The following PARD3B variants were observed in gnomAD, a reference collection of about 807,000 sequenced individuals.
The protein encoded by PARD3B is par-3 family cell polarity regulator beta.
PARD3B carries 103 observed loss-of-function variants against 130.2 expected under a neutral mutation model. That is an observed-to-expected ratio of 0.79 (90% CI 0.67 to 0.93). PARD3B has a LOEUF of 0.93. Ranked by LOEUF, PARD3B falls within the 40% of genes least tolerant of loss-of-function variation. The pLI, the probability that PARD3B is intolerant of heterozygous loss-of-function variation, is 0.00. For synonymous variants in PARD3B, 583 were observed against 553.2 expected (o/e 1.05, Z -0.76); for missense variants, 1,609 against 1,499.2 (o/e 1.07, Z -1.21).
chr2:204,550,890 C>T (rs2030406726), intron 1 of PARD3B, among the ~76,000 whole-genome samples: 1 of 152,148 alleles, frequency 6.6e-6, no homozygotes, highest in African/African-American at 2.4e-5. Context: ...ACTTTTCAGG[C>T]TTTGATGCCT....
At chr2:204,874,946 C>T (rs1019725394) in intron 2 of PARD3B, among the ~76,000 whole-genome samples, 3 of 152,178 alleles carry the variant, frequency 2.0e-5, no homozygotes, top group Non-Finnish European at 4.4e-5. Context: ...TATTCCACTG[C>T]ATGAATATAT....
In PARD3B at chr2:205,124,326, G is replaced by T. The variant is rs1177555022; in HGVS notation, c.1166-1G>T. On this transcript the variant is annotated splice_acceptor_variant, in intron 8 of 22. Transcript: ENST00000406610. LOFTEE classifies it high-confidence loss of function. Reference sequence around the variant, plus strand: ...TACATTTTCCTGTTCTTATACACTAGGCCCTGAAGGACTTGGTTTCACTGT... The same window carrying T: ...TACATTTTCCTGTTCTTATACACTATGCCCTGAAGGACTTGGTTTCACTGT... The T allele has an allele frequency of 1.2e-5, 19 of 1,542,518 alleles. No homozygotes were observed. Among genetic ancestry groups the T allele is most frequent in the Admixed American group, 1.9e-5 (1 of 53,546 alleles).
intron 2 of PARD3B, among the ~76,000 whole-genome samples, chr2:204,857,092 A>G (rs1276171079): frequency 6.6e-6 from 1 of 152,084 alleles, no homozygotes; most frequent in Non-Finnish European, 1.5e-5. Flanking sequence ...CTCACTTATT[A>G]TCAGTTATTG....
intron 1 of PARD3B, among the ~76,000 whole-genome samples, chr2:204,600,541 A>T (rs1283645080): frequency 1.3e-5 from 2 of 151,888 alleles, no homozygotes; most frequent in Non-Finnish European, 1.5e-5. Flanking sequence ...TTATGCCAGT[A>T]CCACGATGTT....
In PARD3B at chr2:205,121,938, A is replaced by G. The variant is rs1316768678; in HGVS notation, c.1154A>G (p.Asp385Gly). The change falls in exon 8 of 23, where the codon GAC becomes GGC. Residue 385 changes from aspartate to glycine, a missense_variant. Physicochemically the swap from Asp to Gly is moderately conservative, Grantham distance 94 (BLOSUM62 -1). Transcript: ENST00000406610. This position sits in a 1 kb window ranked among gnomAD's most constrained non-coding sequence, Gnocchi z 5.0. ...SNKNAKKIKIDLKKGPEGLGF... is the reference protein window; with the variant it reads ...SNKNAKKIKIGLKKGPEGLGF... ...AAAAATGCAAAGAAAATTAAGATTG[A>G]CCTAAAGAAAGGTAATTATTAAATT... 1 of 1,603,056 alleles carries G rather than the reference A, an allele frequency of 6.2e-7. No homozygotes were observed. Among genetic ancestry groups the G allele is most frequent in the Admixed American group, 1.7e-5 (1 of 59,426 alleles).
chr2:205,343,218 C>A (rs1468885534), intron 18 of PARD3B, among the ~76,000 whole-genome samples: 1 of 152,182 alleles, frequency 6.6e-6, no homozygotes, highest in Non-Finnish European at 1.5e-5. Flanking sequence ...AAAGTGTTCC[C>A]ATCAAATATC....
In PARD3B at chr2:205,113,572, T is replaced by G; in HGVS notation, c.675T>G (p.Ser225Arg). Residue 225 changes from serine to arginine, a missense_variant, in exon 6 of 23, where the codon AGT becomes AGG. Ser to Arg is a moderately radical substitution (Grantham distance 110). Transcript: ENST00000406610. ...IHVVPFFSSL[S>R]GRILGLFIRG... Reference sequence around the variant, plus strand: ...TAGTGCCCTTCTTTTCATCTCTGAGTGGAAGGTAAGATGTTTTTCTCATTC... The same window carrying G: ...TAGTGCCCTTCTTTTCATCTCTGAGGGGAAGGTAAGATGTTTTTCTCATTC... The G allele has an allele frequency of 1.2e-6, 2 of 1,610,060 alleles. No individual in the cohort carries two copies. Among genetic ancestry groups the G allele is most frequent in the South Asian group, 2.2e-5 (2 of 90,728 alleles).
In PARD3B at chr2:205,121,501, G is replaced by A; in HGVS notation, c.807-90G>A. On this transcript the variant is annotated intron_variant, in intron 7 of 22. Coordinates refer to ENST00000406610, the MANE Select transcript of PARD3B (RefSeq NM_001302769.2). The surrounding 1 kb of genome is among the most constrained non-coding windows in gnomAD (Gnocchi z 5.0). ...CGTGTCTCCTATGATTAGCCACTGTGCTGCTCTTGGTTGCCATCCTCCTGG... is the reference window on the plus strand; with the variant it reads ...CGTGTCTCCTATGATTAGCCACTGTACTGCTCTTGGTTGCCATCCTCCTGG... The A allele has an allele frequency of 9.1e-7, 1 of 1,097,844 alleles. No homozygotes were observed. Among genetic ancestry groups the A allele is most frequent in the Non-Finnish European group, 1.3e-6 (1 of 741,526 alleles). 68.0% of individuals were successfully genotyped at this position (1,097,844 alleles called of 1,614,324 possible). A position where few individuals can be genotyped will look rare whatever the true frequency, so the allele number is the denominator to read the frequency against.
chr2:204,857,507 A>G (rs1430279724), intron 2 of PARD3B, among the ~76,000 whole-genome samples: 1 of 152,176 alleles, frequency 6.6e-6, no homozygotes, highest in Non-Finnish European at 1.5e-5. Context: ...GTTTTATGTG[A>G]CATAGGACAC....
intron 1 of PARD3B, among the ~76,000 whole-genome samples, chr2:204,554,819 A>C (rs895506012): frequency 6.6e-6 from 1 of 152,170 alleles, no homozygotes; most frequent in African/African-American, 2.4e-5. Flanking sequence ...GAAAAAGTTA[A>C]TGTAGCAGGC....
intron 19 of PARD3B, among the ~76,000 whole-genome samples, chr2:205,403,458 C>A (rs2046319468): frequency 1.3e-5 from 2 of 151,966 alleles, no homozygotes; most frequent in Non-Finnish European, 2.9e-5. Flanking sequence ...CACACTGCTA[C>A]AGGTCTGTGA....
Position 205,119,128 on chromosome 2 carries a change from T to C in PARD3B, c.806+82T>C, listed in dbSNP as rs571213987. On this transcript the variant is annotated intron_variant, in intron 7 of 22. Coordinates refer to ENST00000406610, the MANE Select transcript of PARD3B (RefSeq NM_001302769.2). ...ATTACTGAACTCATTATGATCAAAA[T>C]AGTAGGTAGAATTTCTAGTCAGTTC... 6 of 1,449,042 alleles carry C rather than the reference T, an allele frequency of 4.1e-6. No individual in the cohort carries two copies. In the African/African-American group the frequency reaches 7.3e-5, roughly 18 times the overall value. 89.8% of individuals were successfully genotyped at this position (1,449,042 alleles called of 1,614,324 possible).
chr2:205,456,024 AAATGG>A (rs2048262408), intron 20 of PARD3B, among the ~76,000 whole-genome samples: 1 of 152,080 alleles, frequency 6.6e-6, no homozygotes, highest in African/African-American at 2.4e-5. Flanking sequence ...AATGTTACCT[AAATGG>A]AATCACATAA....
chr2:204,827,015 G>T (rs962792021), intron 2 of PARD3B, among the ~76,000 whole-genome samples: 3 of 152,062 alleles, frequency 2.0e-5, no homozygotes, highest in African/African-American at 4.8e-5. Flanking sequence ...GCAAGACTCT[G>T]TCTCTTCCAA....
chr2:205,596,952 T>C (rs1393488617), intron 22 of PARD3B, among the ~76,000 whole-genome samples: 1 of 152,136 alleles, frequency 6.6e-6, no homozygotes, highest in African/African-American at 2.4e-5. Flanking sequence ...AGAAGCAAAC[T>C]CGGCACTCCT....
chr2:205,549,530 C>T lies in PARD3B; in HGVS notation c.3181-3794C>T, dbSNP rs561428793. 1.5e-4 allele frequency among the ~76,000 whole-genome samples: 23 copies of T among 152,170 alleles called. 2 individuals carry two copies. In the South Asian group the frequency reaches 4.6e-3, roughly 30 times the overall value. On this transcript the variant is annotated intron_variant, in intron 21 of 22. Coordinates refer to ENST00000406610, the MANE Select transcript of PARD3B (RefSeq NM_001302769.2). ...ATGCATATGACCAAGTAAAAGAAGC[C>T]AATCTGAAAAGACTGCGTACTGTGT...
chr2:205,020,805 C>T (rs561555509), intron 3 of PARD3B, among the ~76,000 whole-genome samples: 68 of 152,190 alleles, frequency 4.5e-4, no homozygotes, highest in African/African-American at 1.2e-3. Context: ...GCCTTTTGGA[C>T]CACTATACTG....
At chr2:204,687,890 G>A (rs1001315928) in intron 2 of PARD3B, among the ~76,000 whole-genome samples, 1 of 152,172 alleles carries the variant, frequency 6.6e-6, no homozygotes. Flanking sequence ...TCTTACCCCA[G>A]CTTCATCCAA....
chr2:205,195,644 A>T (rs2036641438), intron 15 of PARD3B, among the ~76,000 whole-genome samples: 1 of 152,180 alleles, frequency 6.6e-6, no homozygotes, highest in African/African-American at 2.4e-5. Flanking sequence ...AATGTAAGAG[A>T]TTAATTTATT....
Sources: gnomAD v4.1 joint callset for allele counts (sites outside exome capture counted in the v4.1 genomes callset) on GRCh38, gnomAD v4.1.1 for gene constraint, Gnocchi (gnomAD v3.1) non-coding constraint, MANE v1.5 for transcripts, NCBI Gene and HGNC (gene_info 2026-07-23, HGNC 2026-07-21) for gene names.